JAG2: variants seen among roughly 807,000 people sequenced by gnomAD.
The protein encoded by JAG2 is protein jagged-2.
In JAG2, 46 loss-of-function variants were observed where a neutral mutation model predicts 141.7. The observed-to-expected ratio is 0.32, with a 90% CI of 0.26 to 0.42. The LOEUF (loss-of-function observed/expected upper bound fraction) is 0.42. Among genes scored for constraint, JAG2 ranks in the 10% least tolerant of loss-of-function variants. The pLI, the probability that JAG2 is intolerant of heterozygous loss-of-function variation, is 1.00. For missense variants in JAG2, 1,500 were observed against 1,817.5 expected, an observed-to-expected ratio of 0.83 and a Z score of 3.18; for synonymous variants, 862 against 763.5, an observed-to-expected ratio of 1.13 and a Z score of -2.13.
At position 105,148,953 on chromosome 14, in the gene JAG2, G is replaced by A. The variant is rs587760128; in HGVS notation, c.1890C>T (p.Gly630=). ...FSCICDSGFT[G]TYCHENIDDC... ...GCCACTCACTCTCATGGCAGTAGGT[G>A]CCAGTAAAGCCACTGTCACAGATGC... Residue 630 remains glycine, a synonymous_variant, in exon 14 of 26, where the codon GGC becomes GGT. Transcript: ENST00000331782. The A allele has an allele frequency of 1.5e-5, 24 of 1,606,502 alleles. 2 individuals carry two copies. The Admixed American group carries it at 3.5e-4, about 24-fold the overall frequency.
At chr14:105,160,398 C>T (rs1349258128) in intron 2 of JAG2, among the ~76,000 whole-genome samples, 1 of 140,702 alleles carries the variant, frequency 7.1e-6, no homozygotes, top group Admixed American at 7.4e-5. Context: ...CCCGGTAACA[C>T]CTGGAGCACC....
At position 105,167,993 on chromosome 14, in the gene JAG2, C is replaced by T. The variant is rs1424612515; in HGVS notation, c.181G>A (p.Gly61Ser). 4 of 1,601,746 alleles carry T rather than the reference C, an allele frequency of 2.5e-6. No homozygotes were observed. Among genetic ancestry groups the T allele is most frequent in the African/African-American group, 1.3e-5 (1 of 74,308 alleles). Reference protein sequence around the residue: ...DGDGRTTRAGGCGHDECDTYV... With the variant: ...DGDGRTTRAGSCGHDECDTYV... Reference sequence around the variant, plus strand: ...GTGTCGCACTCGTCGTGGCCGCAGCCCCCCGCGCGCGTTGTCCGGCCGTCG... The same window carrying T: ...GTGTCGCACTCGTCGTGGCCGCAGCTCCCCGCGCGCGTTGTCCGGCCGTCG... Residue 61 changes from glycine to serine, a missense_variant, in exon 2 of 26, where the codon GGC (glycine) becomes AGC (serine). This residue lies in a region of JAG2 where 200 missense variants were observed against 174.3 expected (regional missense o/e 1.15). Coordinates refer to ENST00000331782, the MANE Select transcript of JAG2 (RefSeq NM_002226.5). This position sits in a 1 kb window ranked among gnomAD's most constrained non-coding sequence, Gnocchi z 4.8.
chr14:105,155,424 G>A (rs1225823070), intron 5 of JAG2, 138 bp downstream of exon 5: 3 of 945,146 alleles, frequency 3.2e-6, no homozygotes, highest in Non-Finnish European at 5.2e-6. Flanking sequence ...AGCCTCCCGA[G>A]CTCAGGGCCC....
At chr14:105,153,435 C>T (rs780120996) in intron 5 of JAG2, among the ~76,000 whole-genome samples, 21 of 152,338 alleles carry the variant, frequency 1.4e-4, no homozygotes, top group African/African-American at 3.1e-4. Flanking sequence ...CTTGGGTCAT[C>T]GGCCAGAGAG....
In JAG2 at chr14:105,149,396, C is replaced by G. The variant is rs587636118; in HGVS notation, c.1603-76G>C. The G allele has an allele frequency of 1.5e-5, 24 of 1,591,628 alleles. No homozygotes were observed. In the South Asian group the frequency reaches 2.2e-4, roughly 15 times the overall value. ...AACACAGGCCAGGCCTCTGTCCATA[C>G]GAAGGTAGATCCCTGGGGACCCCCA... On this transcript the variant is annotated intron_variant, in intron 12 of 25. Transcript: ENST00000331782.
chr14:105,148,153 G>C lies in JAG2; in HGVS notation c.2211C>G (p.Ala737=), dbSNP rs1888288691. ...TGCTGCCCTTCCAGCCGGGGGGGCA[G>C]GCGCAGCGGAAGGTGTCGCCGCTGT... is the stretch of plus-strand genomic sequence containing the variant. ...CYDSGDTFRC[A]CPPGWKGSTC... Residue 737 remains alanine, a synonymous_variant, in exon 17 of 26, where the codon GCC becomes GCG. Transcript: ENST00000331782. 2 of 1,550,370 alleles carry C rather than the reference G, an allele frequency of 1.3e-6. No homozygotes were observed. Among genetic ancestry groups the C allele is most frequent in the Non-Finnish European group, 1.7e-6 (2 of 1,146,988 alleles).
Position 105,154,831 on chromosome 14 carries a change from C to T in JAG2, c.788+731G>A, listed in dbSNP as rs587608843. The stretch of plus-strand genomic sequence containing the variant: ...CCGCCTGCTCCTCTGTGGCATTCCT[C>T]CTGCCACCATGGCTCTGCTACTCAG... On this transcript the variant is annotated intron_variant, in intron 5 of 25. Coordinates refer to ENST00000331782, the MANE Select transcript of JAG2 (RefSeq NM_002226.5). The surrounding 1 kb of genome is among the most constrained non-coding windows in gnomAD (Gnocchi z 4.4). Among the ~76,000 whole-genome samples, 110 of 152,196 alleles carry T rather than the reference C, an allele frequency of 7.2e-4. No homozygotes were observed. The highest frequency in any genetic ancestry group is 2.5e-3 in the African/African-American group (105 of 41,508).
chr14:105,143,433 C>T, intron 25 of JAG2, 49 bp downstream of exon 25: 1 of 1,534,966 alleles, frequency 6.5e-7, no homozygotes. Flanking sequence ...TGCCCAATGC[C>T]TGAGTTGCCT....
chr14:105,152,294 G>A lies in JAG2; in HGVS notation c.789-3C>T. The A allele has an allele frequency of 6.2e-7, 1 of 1,612,742 alleles. No individual in the cohort carries two copies. Among genetic ancestry groups the A allele is most frequent in the East Asian group, 2.2e-5 (1 of 44,858 alleles). ...TCCCTTGCCAGCCGTAGCTGCACCT[G>A]GGGGAAGGAGGAGGGGCGCAAGACC... On this transcript the variant is annotated splice_polypyrimidine_tract_variant and splice_region_variant and intron_variant, in intron 5 of 25. Transcript: ENST00000331782.
At chr14:105,147,449 G>C (rs2816677) in intron 19 of JAG2, 38 bp from the exon 20 acceptor site, 40 of 1,608,618 alleles carry the variant, frequency 2.5e-5, no homozygotes, top group Admixed American at 5.0e-5. Context: ...GGCCCCCCGT[G>C]GTATGCCAAG....
At chr14:105,161,920 C>T (rs898398461) in intron 2 of JAG2, among the ~76,000 whole-genome samples, 11 of 135,754 alleles carry the variant, frequency 8.1e-5, no homozygotes, top group African/African-American at 2.8e-4. Context: ...TCCTGCCTGG[C>T]GGGCCACGAT....
chr14:105,165,946 C>T lies in JAG2; in HGVS notation c.417+1811G>A, dbSNP rs191246479. On this transcript the variant is annotated intron_variant, in intron 2 of 25. Coordinates refer to ENST00000331782, the MANE Select transcript of JAG2 (RefSeq NM_002226.5). ...GGGCAGCATGGCCAGGGACTGCCGC[C>T]GCCCGAGTGCAAATACCAGGGTGCT... Among the ~76,000 whole-genome samples, 640 of 152,332 alleles carry T rather than the reference C, an allele frequency of 4.2e-3. 3 individuals are homozygous for T. The highest frequency in any genetic ancestry group is 0.015 in the African/African-American group (603 of 41,576).
chr14:105,146,332 G>A (rs1677360018), intron 22 of JAG2, 53 bp downstream of exon 22: 5 of 1,462,706 alleles, frequency 3.4e-6, no homozygotes, highest in Non-Finnish European at 4.8e-6. Context: ...AGTGGCCAGG[G>A]TCAGCGTGCA....
In JAG2 at chr14:105,168,191, G is replaced by A; in HGVS notation, c.67-84C>T. On this transcript the variant is annotated intron_variant, in intron 1 of 25. Coordinates refer to ENST00000331782, the MANE Select transcript of JAG2 (RefSeq NM_002226.5). The stretch of plus-strand genomic sequence containing the variant: ...CGCCAGGGGTGGGGGAACAGGCCCC[G>A]CCGCCCCGCCCCCACCCAGCCGCGC... 7.4e-6 allele frequency: 8 copies of A among 1,080,232 alleles called. No homozygotes were observed. In the South Asian group the frequency reaches 1.9e-4, roughly 25 times the overall value. 66.9% of individuals were successfully genotyped at this position (1,080,232 alleles called of 1,614,324 possible).
At chr14:105,151,417 T>A in intron 8 of JAG2, 21 bp from the exon 9 acceptor site, 1 of 1,602,038 alleles carries the variant, frequency 6.2e-7, no homozygotes, top group Non-Finnish European at 8.5e-7. Context: ...TGGAGAAAGG[T>A]GGGGCCCTGG....
chr14:105,157,671 G>A (rs1388827121), intron 3 of JAG2, 35 bp downstream of exon 3: 1 of 1,542,060 alleles, frequency 6.5e-7, no homozygotes, highest in Admixed American at 2.0e-5. Flanking sequence ...CGCTGAAGCT[G>A]AGAGGAGCTG....
chr14:105,142,552 A>G lies in JAG2; in HGVS notation c.*143T>C. On this transcript the variant is annotated 3_prime_UTR_variant, in exon 26 of 26. Transcript: ENST00000331782. ...AATTTATACAAGGTTAAAGAAACGT[A>G]GAAAATAAACATTTGGTTTTTGTTT... is the stretch of plus-strand genomic sequence containing the variant. 1 of 630,396 alleles carries G rather than the reference A, an allele frequency of 1.6e-6. No individual in the cohort carries two copies. Among genetic ancestry groups the G allele is most frequent in the East Asian group, 2.8e-5 (1 of 36,120 alleles). 39.1% of individuals were successfully genotyped at this position (630,396 alleles called of 1,614,324 possible). A position where few individuals can be genotyped will look rare whatever the true frequency, so the allele number is the denominator to read the frequency against.
At chr14:105,164,101 G>A (rs182532654) in intron 2 of JAG2, among the ~76,000 whole-genome samples, 5 of 58,762 alleles carry the variant, frequency 8.5e-5, no homozygotes, top group East Asian at 4.1e-4. Flanking sequence ...TCCCCAACCC[G>A]CCCCTCCACC....
In JAG2 at chr14:105,167,892, G is replaced by T. The variant is rs756576452; in HGVS notation, c.282C>A (p.Ala94=). 1.9e-6 allele frequency: 3 copies of T among 1,585,996 alleles called. No homozygotes were observed. The South Asian group carries it at 3.4e-5, about 18-fold the overall frequency. ...PTGPCSYGHG[A]TPVLGGNSFY... ...AGGAGTTGCCGCCCAGCACGGGCGT[G>T]GCGCCGTGGCCGTAGCTGCAGGGCC... Residue 94 remains alanine, a synonymous_variant, in exon 2 of 26, where the codon GCC becomes GCA. Coordinates refer to ENST00000331782, the MANE Select transcript of JAG2 (RefSeq NM_002226.5). This position sits in a 1 kb window ranked among gnomAD's most constrained non-coding sequence, Gnocchi z 4.8.
Sources: gnomAD v4.1 joint callset for allele counts (sites outside exome capture counted in the v4.1 genomes callset) on GRCh38, gnomAD v4.1.1 for gene constraint, gnomAD v4.1.1 regional missense constraint, Gnocchi (gnomAD v3.1) non-coding constraint, MANE v1.5 for transcripts, NCBI Gene and HGNC (gene_info 2026-07-23, HGNC 2026-07-21) for gene names.